Variants in ARSG observed in about 807,000 individuals in gnomAD.
ARSG encodes the protein ASG.
A neutral mutation model predicts 50.5 loss-of-function variants in ARSG; 37 were observed. The ratio of observed to expected loss-of-function variants is 0.73; its 90% CI spans 0.56 to 0.96. ARSG has a LOEUF of 0.96. Ranked by LOEUF, ARSG falls within the 50% of genes least tolerant of loss-of-function variation. The pLI, the probability that ARSG is intolerant of heterozygous loss-of-function variation, is 0.00. For missense variants in ARSG, 629 were observed against 675.3 expected (o/e 0.93, Z 0.76); for synonymous variants, 225 against 254.6 (o/e 0.88, Z 1.11).
At chr17:68,278,617 C>CT (rs56870988) in intron 1 of ARSG, among the ~76,000 whole-genome samples, 7,343 of 111,968 alleles carry the variant, frequency 0.066, 308 homozygotes, top group Non-Finnish European at 0.09. Context: ...TTTCTTTTTC[C>CT]TTTTTTTTTT....
At chr17:68,385,224 A>AT (rs765611021) in intron 9 of ARSG, 52 bp downstream of exon 9, 28 of 1,531,388 alleles carry the variant, frequency 1.8e-5, no homozygotes, top group Non-Finnish European at 2.3e-5. Flanking sequence ...AAGAAAAGTC[A>AT]TGGAGGCATG....
downstream of ARSG, chr17:68,427,595 G>A: frequency 5.5e-6 from 1 of 181,988 alleles, no homozygotes; most frequent in South Asian, 1.0e-4. Flanking sequence ...GACCTCAGGT[G>A]ATCCGCCCGC....
At chr17:68,380,811 G>A (rs1054264108) in intron 8 of ARSG, among the ~76,000 whole-genome samples, 15 of 152,098 alleles carry the variant, frequency 9.9e-5, no homozygotes, top group African/African-American at 2.7e-4. Context: ...CTGTACAATC[G>A]TTTCCCTGCT....
At position 68,368,729 on chromosome 17, in the gene ARSG, T is replaced by C. The variant is rs747914484; in HGVS notation, c.886T>C (p.Phe296Leu). 7 of 1,613,114 alleles carry C rather than the reference T, an allele frequency of 4.3e-6. No individual in the cohort carries two copies. The highest frequency in any genetic ancestry group is 1.3e-5 in the African/African-American group (1 of 74,892). ...KVDHTVKENT[F>L]LWFTGDNGPW... is the part of the protein sequence containing the mutation. The stretch of plus-strand genomic sequence containing the variant: ...TGACCACACAGTGAAGGAAAACACA[T>C]TCCTCTGGTTTACAGGTAAAGTAGT... Residue 296 changes from phenylalanine (F) to leucine (L), a missense_variant, in exon 7 of 12, where the codon TTC (phenylalanine) becomes CTC (leucine). Coordinates refer to ENST00000621439, the MANE Select transcript of ARSG (RefSeq NM_001267727.2).
intron 6 of ARSG, among the ~76,000 whole-genome samples, chr17:68,357,545 T>C (rs2146503845): frequency 6.6e-6 from 1 of 152,336 alleles, no homozygotes; most frequent in South Asian, 2.1e-4. Flanking sequence ...TAATTCCACC[T>C]GAAAACTCTC....
chr17:68,399,217 T>C lies in ARSG; in HGVS notation c.1213-2143T>C, dbSNP rs2081374255. On this transcript the variant is annotated intron_variant, in intron 10 of 11. Coordinates refer to ENST00000621439, the MANE Select transcript of ARSG (RefSeq NM_001267727.2). The surrounding 1 kb of genome is among the most constrained non-coding windows in gnomAD (Gnocchi z 4.6). Reference sequence around the variant, plus strand: ...CAGAAAGAACGCTGATCACTTCTCTTAGGGAGGCCCCTAGTGGCGAGAGAT... The same window carrying C: ...CAGAAAGAACGCTGATCACTTCTCTCAGGGAGGCCCCTAGTGGCGAGAGAT... 6.6e-6 allele frequency among the ~76,000 whole-genome samples: 1 copy of C among 152,128 alleles called. No individual in the cohort carries two copies. The highest frequency in any genetic ancestry group is 1.9e-4 in the East Asian group (1 of 5,186).
chr17:68,292,671 G>A (rs565500371), intron 1 of ARSG, among the ~76,000 whole-genome samples: 76 of 152,228 alleles, frequency 5.0e-4, no homozygotes, highest in Non-Finnish European at 9.4e-4. Context: ...GGGAGGAGTC[G>A]GCGATCTGAA....
chr17:68,425,095 C>A (rs986042725), downstream of ARSG, among the ~76,000 whole-genome samples: 5 of 152,200 alleles, frequency 3.3e-5, no homozygotes, highest in Admixed American at 6.5e-5. Flanking sequence ...CAGCCAGCCC[C>A]GAGGGCCCTA....
chr17:68,273,001 C>G (rs1428932465), intron 1 of ARSG, among the ~76,000 whole-genome samples: 1 of 146,866 alleles, frequency 6.8e-6, no homozygotes, highest in South Asian at 2.1e-4. Context: ...TTTTTTTTAT[C>G]TTTGCAACAC....
At chr17:68,384,718 T>C (rs553459717) in intron 8 of ARSG, among the ~76,000 whole-genome samples, 1 of 152,258 alleles carries the variant, frequency 6.6e-6, no homozygotes, top group African/African-American at 2.4e-5. Context: ...AGCCCCACTA[T>C]GTCTTAGGTG....
chr17:68,382,037 G>A (rs770532288), intron 8 of ARSG, among the ~76,000 whole-genome samples: 6 of 149,880 alleles, frequency 4.0e-5, no homozygotes, highest in Non-Finnish European at 8.9e-5. Context: ...TGCAACCTCC[G>A]CCTCCCGGGT....
rs1364265021 is a variant in ARSG at position 68,378,530 on chromosome 17, G to A, written c.983-6534G>A. Reference sequence around the variant, plus strand: ...GGGTGAGGAGAAACGGAACTGGGGCGGGGGCAGAGCAAAGCAGCCCTGCCT... The same window carrying A: ...GGGTGAGGAGAAACGGAACTGGGGCAGGGGCAGAGCAAAGCAGCCCTGCCT... On this transcript the variant is annotated intron_variant, in intron 8 of 11. Coordinates refer to ENST00000621439, the MANE Select transcript of ARSG (RefSeq NM_001267727.2). The surrounding 1 kb of genome is among the most constrained non-coding windows in gnomAD (Gnocchi z 4.4). Among the ~76,000 whole-genome samples the A allele has an allele frequency of 3.9e-5, 6 of 152,308 alleles. No homozygotes were observed. Among genetic ancestry groups the A allele is most frequent in the Admixed American group, 1.3e-4 (2 of 15,300 alleles).
intron 6 of ARSG, among the ~76,000 whole-genome samples, chr17:68,362,036 C>A (rs767548430): frequency 5.8e-4 from 89 of 152,164 alleles, no homozygotes; most frequent in Non-Finnish European, 1.0e-3. Context: ...TTTGTTATAG[C>A]GTCCCTAGCA....
chr17:68,277,720 C>T (rs1311552470), intron 1 of ARSG, among the ~76,000 whole-genome samples: 4 of 152,136 alleles, frequency 2.6e-5, no homozygotes, highest in Non-Finnish European at 2.9e-5. Flanking sequence ...CCACTGTGCC[C>T]GGCCATCAGC....
chr17:68,390,716 T>A (rs1247883398), intron 9 of ARSG, among the ~76,000 whole-genome samples: 1 of 151,980 alleles, frequency 6.6e-6, no homozygotes, highest in Non-Finnish European at 1.5e-5. Context: ...CTCCACCTCC[T>A]GGGTTCAAGT....
chr17:68,357,475 T>A (rs2079083531), intron 6 of ARSG, among the ~76,000 whole-genome samples: 1 of 152,208 alleles, frequency 6.6e-6, no homozygotes, highest in African/African-American at 2.4e-5. Context: ...GCACTTGTGA[T>A]GGCGTTTAGG....
chr17:68,338,184 ATG>A (rs148359932), intron 2 of ARSG, among the ~76,000 whole-genome samples: 4,437 of 150,752 alleles, frequency 0.029, 76 homozygotes, highest in African/African-American at 0.053. Flanking sequence ...GTATTTGAAG[ATG>A]TGTGTGTGTG....
chr17:68,265,399 CAGG>C (rs2075138381), intron 1 of ARSG, among the ~76,000 whole-genome samples: 1 of 150,860 alleles, frequency 6.6e-6, no homozygotes, highest in East Asian at 2.0e-4. Flanking sequence ...GAGGCTGACG[CAGG>C]AGAATTGCTT....
rs181105031 is a variant in ARSG at position 68,366,534 on chromosome 17, G to A, written c.705-2014G>A. ...CAACTGTACATGACCATCCCTGGGA[G>A]AGTTGGCATCAGGCACTGCAAATCA... On this transcript the variant is annotated intron_variant, in intron 6 of 11. Transcript: ENST00000621439. Among the ~76,000 whole-genome samples the A allele has an allele frequency of 7.2e-4, 109 of 152,334 alleles. 1 individual carries two copies. Among genetic ancestry groups the A allele is most frequent in the Admixed American group, 2.2e-3 (33 of 15,294 alleles).
Sources: gnomAD v4.1 joint callset for allele counts (sites outside exome capture counted in the v4.1 genomes callset) on GRCh38, gnomAD v4.1.1 for gene constraint, Gnocchi (gnomAD v3.1) non-coding constraint, MANE v1.5 for transcripts, NCBI Gene and HGNC (gene_info 2026-07-23, HGNC 2026-07-21) for gene names.